Variants in RPS6KA2 observed in about 807,000 individuals in gnomAD.
RPS6KA2 encodes the protein ribosomal protein S6 kinase alpha-2.
In RPS6KA2, 42 loss-of-function variants were observed where a neutral mutation model predicts 91.8. That is an observed-to-expected ratio of 0.46 (90% confidence interval 0.36 to 0.59). The LOEUF (loss-of-function observed/expected upper bound fraction) is 0.59, where lower values mean the gene tolerates loss of function less well. RPS6KA2 is among the 20% of genes least tolerant of loss of function. The pLI is 0.00. For synonymous variants in RPS6KA2, 414 were observed against 393.6 expected, an observed-to-expected ratio of 1.05 and a Z score of -0.61; for missense variants, 798 against 978.5, an observed-to-expected ratio of 0.82 and a Z score of 2.46.
chr6:166,483,492 T>C (rs941081919), intron 10 of RPS6KA2, among the ~76,000 whole-genome samples: 2 of 152,228 alleles, frequency 1.3e-5, no homozygotes, highest in Non-Finnish European at 2.9e-5. Context: ...AAATCAGGCC[T>C]GATTTCTTAC....
chr6:166,472,895 G>A (rs1413770613), intron 10 of RPS6KA2, among the ~76,000 whole-genome samples: 1 of 152,200 alleles, frequency 6.6e-6, no homozygotes. Flanking sequence ...GAGCACAGAA[G>A]GCCGGAATTC....
chr6:166,862,177 A>G, exon 1 of RPS6KA2: 5 of 1,614,162 alleles, frequency 3.1e-6, no homozygotes, highest in Non-Finnish European at 4.2e-6. Context: ...GCATTTTTAA[A>G]CTTTCCTTTT....
At position 166,435,341 on chromosome 6, in the gene RPS6KA2, C is replaced by T. The variant is rs1191958761; in HGVS notation, c.1333-2851G>A. ...TGTAATAAAAGCTAGCATGTATGTG[C>T]ACATGTGAGGCACACTGGATTTCAA... On this transcript the variant is annotated intron_variant, in intron 14 of 20. Coordinates refer to ENST00000265678, the MANE Select transcript of RPS6KA2 (RefSeq NM_021135.6). This position sits in a 1 kb window ranked among gnomAD's most constrained non-coding sequence, Gnocchi z 4.3. Among the ~76,000 whole-genome samples, 4 of 152,174 alleles carry T rather than the reference C, an allele frequency of 2.6e-5. No homozygotes were observed. The highest frequency in any genetic ancestry group is 4.4e-5 in the Non-Finnish European group (3 of 68,036).
chr6:166,709,879 AG>A (rs1789793492), intron 2 of RPS6KA2, among the ~76,000 whole-genome samples: 1 of 152,224 alleles, frequency 6.6e-6, no homozygotes, highest in African/African-American at 2.4e-5. Flanking sequence ...AGAACAAGTT[AG>A]GGGTTGACAA....
At chr6:166,857,945 G>A in intron 2 of RPS6KA2, 1 of 523,406 alleles carries the variant, frequency 1.9e-6, no homozygotes, top group Non-Finnish European at 3.3e-6. Flanking sequence ...AGGAGACCAT[G>A]AACTTTACCT....
chr6:166,504,258 C>A (rs1449212038), intron 6 of RPS6KA2, among the ~76,000 whole-genome samples: 1 of 152,232 alleles, frequency 6.6e-6, no homozygotes, highest in Non-Finnish European at 1.5e-5. Context: ...AGCCTGGCCT[C>A]CCTCAGGCGT....
At chr6:166,793,677 CAG>C (rs1246975887) in intron 2 of RPS6KA2, among the ~76,000 whole-genome samples, 1 of 152,174 alleles carries the variant, frequency 6.6e-6, no homozygotes, top group East Asian at 1.9e-4. Flanking sequence ...TGGAACAGAA[CAG>C]AGCCCTCAGA....
At chr6:166,556,942 G>A (rs1784195075) in intron 1 of RPS6KA2, among the ~76,000 whole-genome samples, 1 of 152,240 alleles carries the variant, frequency 6.6e-6, no homozygotes, top group Non-Finnish European at 1.5e-5. Context: ...GGTATGCTGG[G>A]CGTGGACTCA....
chr6:166,702,100 C>T (rs913792787), intron 2 of RPS6KA2: 152 of 1,464,840 alleles, frequency 1.0e-4, no homozygotes, highest in Non-Finnish European at 1.4e-4. Flanking sequence ...GGATAGTAAT[C>T]GACTTCTCAG....
Position 166,533,038 on chromosome 6 carries a change from G to C in RPS6KA2, c.217-1725C>G, listed in dbSNP as rs1048410426. Among the ~76,000 whole-genome samples, 3 of 152,226 alleles carry C rather than the reference G, an allele frequency of 2.0e-5. No individual in the cohort carries two copies. Among genetic ancestry groups the C allele is most frequent in the Non-Finnish European group, 4.4e-5 (3 of 68,040 alleles). On this transcript the variant is annotated intron_variant, in intron 2 of 20. Transcript: ENST00000265678. The surrounding 1 kb of genome is among the most constrained non-coding windows in gnomAD (Gnocchi z 4.0). ...CCCTGGAAGTTACTGCACATGGAAG[G>C]ACTCTGCCTCAGGGTGTTCCCTCTG... is the stretch of plus-strand genomic sequence containing the variant.
intron 1 of RPS6KA2, among the ~76,000 whole-genome samples, chr6:166,861,034 G>A (rs570273726): frequency 6.6e-6 from 1 of 152,246 alleles, no homozygotes; most frequent in Non-Finnish European, 1.5e-5. Context: ...TCCGTGCTAT[G>A]CCCAACAGTC....
chr6:166,577,806 G>C (rs1784882044), intron 1 of RPS6KA2, among the ~76,000 whole-genome samples: 1 of 152,112 alleles, frequency 6.6e-6, no homozygotes. Flanking sequence ...AAATTTGGAG[G>C]GGCCTGGGCG....
At chr6:166,809,433 C>T (rs767321385) in intron 2 of RPS6KA2, among the ~76,000 whole-genome samples, 1 of 152,024 alleles carries the variant, frequency 6.6e-6, no homozygotes, top group Non-Finnish European at 1.5e-5. Context: ...GTGATATTTA[C>T]AATTTTGAAA....
At chr6:166,517,748 T>A (rs1782709142) in intron 3 of RPS6KA2, among the ~76,000 whole-genome samples, 1 of 152,096 alleles carries the variant, frequency 6.6e-6, no homozygotes, top group Non-Finnish European at 1.5e-5. Context: ...GTGCTGGGAT[T>A]ACAGGCGTGA....
chr6:166,588,261 C>G (rs1383297454), intron 1 of RPS6KA2, among the ~76,000 whole-genome samples: 1 of 152,158 alleles, frequency 6.6e-6, no homozygotes, highest in East Asian at 1.9e-4. Flanking sequence ...AGGTGGACAG[C>G]AGAATCAAAT....
chr6:166,460,141 C>T (rs942739274), intron 11 of RPS6KA2, among the ~76,000 whole-genome samples: 2 of 152,218 alleles, frequency 1.3e-5, no homozygotes, highest in Admixed American at 6.5e-5. Flanking sequence ...AGAATGAGGG[C>T]GCCCAGGCTC....
At chr6:166,507,720 C>A (rs1326305971) in intron 5 of RPS6KA2, among the ~76,000 whole-genome samples, 1 of 150,576 alleles carries the variant, frequency 6.6e-6, no homozygotes, top group Non-Finnish European at 1.5e-5. Flanking sequence ...CACCATCACA[C>A]ACAGCACACA....
At chr6:166,729,596 C>A (rs904591397) in intron 2 of RPS6KA2, among the ~76,000 whole-genome samples, 1 of 152,204 alleles carries the variant, frequency 6.6e-6, no homozygotes, top group Admixed American at 6.5e-5. Context: ...CCCACCTTGG[C>A]CTCCCAAACT....
At chr6:166,727,587 A>T (rs1043432989) in intron 2 of RPS6KA2, among the ~76,000 whole-genome samples, 1 of 152,056 alleles carries the variant, frequency 6.6e-6, no homozygotes, top group African/African-American at 2.4e-5. Context: ...CCTAAGGTAC[A>T]GCACCCTAAG....
Sources: gnomAD v4.1 joint callset for allele counts (sites outside exome capture counted in the v4.1 genomes callset) on GRCh38, gnomAD v4.1.1 for gene constraint, Gnocchi (gnomAD v3.1) non-coding constraint, MANE v1.5 for transcripts, NCBI Gene and HGNC (gene_info 2026-07-23, HGNC 2026-07-21) for gene names.